PTPRK: variants seen among roughly 807,000 people sequenced by gnomAD.
The protein encoded by PTPRK is protein tyrosine phosphatase receptor type K, also known as receptor-type tyrosine-protein phosphatase kappa.
A neutral mutation model predicts 178.0 loss-of-function variants in PTPRK; 75 were observed. The ratio of observed to expected loss-of-function variants is 0.42; its 90% CI spans 0.35 to 0.51. The LOEUF is 0.51. Ranked by LOEUF, PTPRK falls within the 20% of genes least tolerant of loss-of-function variation. The probability of loss-of-function intolerance (pLI) is 0.02; values close to 1 mark genes in which losing one functional copy is unlikely to be tolerated. For synonymous variants in PTPRK, 637 were observed against 620.6 expected (o/e 1.03, Z -0.39); for missense variants, 1,441 against 1,797.8 (o/e 0.80, Z 3.59).
intron 3 of PTPRK, among the ~76,000 whole-genome samples, chr6:128,291,173 A>G (rs1243902522): frequency 6.6e-6 from 1 of 152,072 alleles, no homozygotes; most frequent in Non-Finnish European, 1.5e-5. Flanking sequence ...ACTCCGAAGC[A>G]ATGTAGCTAC....
At chr6:128,288,466 T>A (rs1296709469) in intron 3 of PTPRK, among the ~76,000 whole-genome samples, 2 of 152,156 alleles carry the variant, frequency 1.3e-5, no homozygotes, top group Non-Finnish European at 2.9e-5. Flanking sequence ...TTTCAATTTG[T>A]GTGCTGAAGA....
chr6:128,231,933 G>T (rs1404526799), intron 5 of PTPRK, among the ~76,000 whole-genome samples: 1 of 152,046 alleles, frequency 6.6e-6, no homozygotes, highest in Non-Finnish European at 1.5e-5. Context: ...TTCTTAATTT[G>T]TCCTCTCCTT....
chr6:128,310,796 G>A (rs1827131907), intron 3 of PTPRK, among the ~76,000 whole-genome samples: 1 of 152,146 alleles, frequency 6.6e-6, no homozygotes, highest in African/African-American at 2.4e-5. Flanking sequence ...TTATTCTCCA[G>A]GAGATCTTGG....
intron 13 of PTPRK, among the ~76,000 whole-genome samples, chr6:128,034,256 G>A (rs796224951): frequency 2.0e-5 from 3 of 152,258 alleles, no homozygotes; most frequent in African/African-American, 7.2e-5. Flanking sequence ...GGCAGCTAAG[G>A]CAGCCCAATC....
chr6:128,001,399 A>G (rs1777814428), intron 15 of PTPRK, among the ~76,000 whole-genome samples: 1 of 152,064 alleles, frequency 6.6e-6, no homozygotes, highest in Non-Finnish European at 1.5e-5. Flanking sequence ...GATGAAAAAT[A>G]CAACAAATCA....
intron 3 of PTPRK, among the ~76,000 whole-genome samples, chr6:128,251,114 C>T (rs1331378681): frequency 6.6e-6 from 1 of 152,136 alleles, no homozygotes; most frequent in Admixed American, 6.6e-5. Flanking sequence ...TTCTTATTAA[C>T]CTTTTCCTAT....
chr6:128,188,617 GCAA>G (rs2114711023), intron 6 of PTPRK, among the ~76,000 whole-genome samples: 2 of 152,280 alleles, frequency 1.3e-5, no homozygotes, highest in South Asian at 4.1e-4. Flanking sequence ...TATGGCTGCT[GCAA>G]CAAATTACTA....
At chr6:128,196,770 C>T (rs980130701) in intron 6 of PTPRK, among the ~76,000 whole-genome samples, 3 of 152,056 alleles carry the variant, frequency 2.0e-5, no homozygotes. Context: ...AAATACCATG[C>T]CTTTAAAAAA....
intron 18 of PTPRK, among the ~76,000 whole-genome samples, chr6:127,994,391 A>C (rs1271624246): frequency 2.0e-5 from 3 of 151,818 alleles, no homozygotes; most frequent in Non-Finnish European, 4.4e-5. Context: ...AATTGTAAAA[A>C]AAATAGTTGA....
chr6:128,315,652 T>A (rs1309939470), intron 3 of PTPRK, among the ~76,000 whole-genome samples: 1 of 152,136 alleles, frequency 6.6e-6, no homozygotes, highest in African/African-American at 2.4e-5. Context: ...AATAATTAGA[T>A]TCTATGTAAT....
intron 13 of PTPRK, among the ~76,000 whole-genome samples, chr6:128,025,457 T>C (rs1365274729): frequency 6.6e-6 from 1 of 152,220 alleles, no homozygotes; most frequent in Non-Finnish European, 1.5e-5. Context: ...AAACCCTGGT[T>C]CTATCTAGCT....
intron 1 of PTPRK, among the ~76,000 whole-genome samples, chr6:128,400,862 G>T (rs571272826): frequency 1.3e-5 from 2 of 152,274 alleles, no homozygotes; most frequent in South Asian, 4.1e-4. Context: ...TGAATTTAAA[G>T]TTTCACTGAG....
At chr6:128,004,374 C>G (rs899252552) in intron 15 of PTPRK, among the ~76,000 whole-genome samples, 1 of 151,768 alleles carries the variant, frequency 6.6e-6, no homozygotes. Context: ...TGAAAATAAA[C>G]AGTAATATTG....
chr6:128,231,677 TCTC>T (rs758808618), intron 5 of PTPRK, among the ~76,000 whole-genome samples: 14 of 152,246 alleles, frequency 9.2e-5, no homozygotes, highest in Non-Finnish European at 1.8e-4. Flanking sequence ...AATTGAAATG[TCTC>T]CTCATTTTTC....
chr6:128,335,503 T>A, intron 2 of PTPRK, among the ~76,000 whole-genome samples: 1 of 147,198 alleles, frequency 6.8e-6, no homozygotes, highest in African/African-American at 2.5e-5. Flanking sequence ...GCTCAAGTAG[T>A]AGAAGGAAAA....
intron 7 of PTPRK, among the ~76,000 whole-genome samples, chr6:128,136,023 G>C (rs892782213): frequency 6.6e-6 from 1 of 152,098 alleles, no homozygotes; most frequent in Non-Finnish European, 1.5e-5. Flanking sequence ...AGATATTAAA[G>C]TTAAATGAGG....
intron 1 of PTPRK, among the ~76,000 whole-genome samples, chr6:128,464,506 G>A (rs1849487731): frequency 6.6e-6 from 1 of 151,006 alleles, no homozygotes; most frequent in African/African-American, 2.4e-5. Context: ...CTGCTGTGCT[G>A]ATAGAACCAT....
chr6:128,333,546 A>AAC (rs1830539358), intron 2 of PTPRK, among the ~76,000 whole-genome samples: 2 of 151,510 alleles, frequency 1.3e-5, no homozygotes, highest in South Asian at 4.2e-4. Flanking sequence ...TTTATTGCTA[A>AAC]AAAAAATGCT....
intron 7 of PTPRK, among the ~76,000 whole-genome samples, chr6:128,165,437 AT>A (rs1799263291): frequency 6.6e-6 from 1 of 151,158 alleles, no homozygotes; most frequent in Non-Finnish European, 1.5e-5. Context: ...TGGTTAATTT[AT>A]TTTTCTTTAC....
Sources: gnomAD v4.1 joint callset for allele counts (sites outside exome capture counted in the v4.1 genomes callset) on GRCh38, gnomAD v4.1.1 for gene constraint, MANE v1.5 for transcripts, NCBI Gene and HGNC (gene_info 2026-07-23, HGNC 2026-07-21) for gene names.